Variants in ZDHHC20 observed in about 807,000 individuals in gnomAD.
ZDHHC20 encodes zDHHC palmitoyltransferase 20.
In ZDHHC20, 43 loss-of-function variants were observed where a neutral mutation model predicts 57.8. The observed-to-expected ratio is 0.74, with a 90% CI of 0.58 to 0.96. ZDHHC20 has a LOEUF of 0.96. ZDHHC20 is among the 40% of genes least tolerant of loss of function. ZDHHC20 has a pLI of 0.00. For synonymous variants in ZDHHC20, 157 were observed against 153.0 expected (o/e 1.03, Z -0.19); for missense variants, 391 against 441.1 (o/e 0.89, Z 1.02).
At chr13:21,451,781 G>A (rs917011306) in intron 1 of ZDHHC20, among the ~76,000 whole-genome samples, 2 of 152,060 alleles carry the variant, frequency 1.3e-5, no homozygotes, top group African/African-American at 4.8e-5. Flanking sequence ...CCTGAGGTCA[G>A]GAGTTCAAGA....
In ZDHHC20 at chr13:21,391,718, T is replaced by A. The variant is rs754750454; in HGVS notation, c.727+4A>T. 67 of 1,600,038 alleles carry A rather than the reference T, an allele frequency of 4.2e-5. No homozygotes were observed. The highest frequency in any genetic ancestry group is 5.5e-5 in the Non-Finnish European group (65 of 1,176,898). ...GTAATTATAATTTATTTTAACCTAC[T>A]TACCTATTGTTGTTCTATTTTTTCC... On this transcript the variant is annotated splice_donor_region_variant and intron_variant, in intron 8 of 12. Transcript: ENST00000400590.
chr13:21,439,428 A>G (rs1882894396), intron 1 of ZDHHC20, among the ~76,000 whole-genome samples: 1 of 152,074 alleles, frequency 6.6e-6, no homozygotes, highest in African/African-American at 2.4e-5. Flanking sequence ...TGAGCCCAGG[A>G]GGTCTAGGCT....
chr13:21,421,018 T>A, intron 3 of ZDHHC20, 43 bp downstream of exon 3: 1 of 1,515,852 alleles, frequency 6.6e-7, no homozygotes, highest in Non-Finnish European at 9.1e-7. Context: ...AAAAATTCCA[T>A]AATCAGTTAA....
intron 1 of ZDHHC20, among the ~76,000 whole-genome samples, chr13:21,432,658 AG>A (rs1882108623): frequency 6.6e-6 from 1 of 152,056 alleles, no homozygotes. Context: ...TAATAAAGAT[AG>A]GGTTTCACCA....
chr13:21,453,174 T>C (rs991424273), intron 1 of ZDHHC20, among the ~76,000 whole-genome samples: 2 of 152,212 alleles, frequency 1.3e-5, no homozygotes, highest in Non-Finnish European at 2.9e-5. Flanking sequence ...CCCATGTTAA[T>C]ATCTGCCAAA....
chr13:21,378,787 A>T (rs781642110), intron 11 of ZDHHC20, 49 bp from the exon 12 acceptor site: 4 of 1,071,448 alleles, frequency 3.7e-6, no homozygotes, highest in Non-Finnish European at 5.1e-6. Context: ...AAAAAAAAAG[A>T]AGTATTAAGT....
At chr13:21,390,418 A>G (rs948462639) in intron 8 of ZDHHC20, among the ~76,000 whole-genome samples, 6 of 152,196 alleles carry the variant, frequency 3.9e-5, no homozygotes, top group East Asian at 1.9e-4. Flanking sequence ...TTCCCCCTAT[A>G]TTTTCATTTT....
chr13:21,425,682 G>C lies in ZDHHC20; in HGVS notation c.119-4C>G. The C allele has an allele frequency of 8.6e-7, 1 of 1,161,370 alleles. No individual in the cohort carries two copies. Among genetic ancestry groups the C allele is most frequent in the Non-Finnish European group, 1.2e-6 (1 of 863,638 alleles). 71.9% of individuals were successfully genotyped at this position (1,161,370 alleles called of 1,614,324 possible). A position where few individuals can be genotyped will look rare whatever the true frequency, so the allele number is the denominator to read the frequency against. ...TCTTCATTTCCAAAAATAGTAACTA[G>C]AATAGAAGAAAAAATAGTGAATAAA... On this transcript the variant is annotated splice_polypyrimidine_tract_variant and splice_region_variant and intron_variant, in intron 1 of 12. Coordinates refer to ENST00000400590, the MANE Select transcript of ZDHHC20 (RefSeq NM_001330059.2).
At chr13:21,404,646 C>T (rs9550733) in intron 4 of ZDHHC20, among the ~76,000 whole-genome samples, 36,790 of 151,262 alleles carry the variant, frequency 0.24, 5,467 homozygotes, top group East Asian at 0.74. Context: ...CCCAGCTACT[C>T]GGGAGGCTGA....
chr13:21,431,768 AT>A (rs1881982916), intron 1 of ZDHHC20, among the ~76,000 whole-genome samples: 1 of 152,142 alleles, frequency 6.6e-6, no homozygotes. Flanking sequence ...ACTATCCCTT[AT>A]TTGTGAAGTT....
intron 1 of ZDHHC20, among the ~76,000 whole-genome samples, chr13:21,442,340 T>TG (rs1340076189): frequency 2.0e-5 from 3 of 152,226 alleles, no homozygotes; most frequent in Non-Finnish European, 4.4e-5. Flanking sequence ...TGTTCACCTT[T>TG]GGGCATCTTG....
In ZDHHC20 at chr13:21,459,110, A is replaced by G. The variant is rs537018498; in HGVS notation, c.62T>C (p.Phe21Ser). ...QRVVGWVPVLFITFVVVWSYY... is the reference protein window; with the variant it reads ...QRVVGWVPVLSITFVVVWSYY... ...GGACCAGACGACCACGAAGGTGATG[A>G]AGAGCACCGGCACCCAGCCCACGAC... The change falls in exon 1 of 13, where the codon TTC (phenylalanine) becomes TCC (serine). Residue 21 changes from phenylalanine (F) to serine (S), a missense_variant. Coordinates refer to ENST00000400590, the MANE Select transcript of ZDHHC20 (RefSeq NM_001330059.2). 22 of 1,607,932 alleles carry G rather than the reference A, an allele frequency of 1.4e-5. No individual in the cohort carries two copies. The South Asian group carries it at 2.4e-4, about 18-fold the overall frequency.
chr13:21,384,494 G>C (rs1258825902), intron 9 of ZDHHC20, among the ~76,000 whole-genome samples: 4 of 150,936 alleles, frequency 2.7e-5, no homozygotes, highest in Admixed American at 2.6e-4. Flanking sequence ...GGGCTGAGGT[G>C]ACTTAAATCT....
chr13:21,395,842 G>C (rs763170943), intron 7 of ZDHHC20, among the ~76,000 whole-genome samples: 1 of 152,112 alleles, frequency 6.6e-6, no homozygotes, highest in Non-Finnish European at 1.5e-5. Context: ...CTGGCATCTG[G>C]GGCCTCACTA....
In ZDHHC20 at chr13:21,391,848, G is replaced by A; in HGVS notation, c.601C>T (p.Leu201=). Residue 201 remains leucine, a synonymous_variant, in exon 8 of 13, where the codon CTG becomes TTG. Coordinates refer to ENST00000400590, the MANE Select transcript of ZDHHC20 (RefSeq NM_001330059.2). ...TGGAATTTTGCACGTGTATCTGTCA[G>A]TTCATTCTGAGGAAAAAAAGAAGTT... The part of the protein sequence containing the change: ...EYFIKFWTNE[L]TDTRAKFHVL... The A allele has an allele frequency of 6.2e-7, 1 of 1,609,168 alleles. No homozygotes were observed. The highest frequency in any genetic ancestry group is 1.1e-5 in the South Asian group (1 of 89,448).
At chr13:21,427,120 C>T (rs1199983702) in intron 1 of ZDHHC20, among the ~76,000 whole-genome samples, 2 of 152,162 alleles carry the variant, frequency 1.3e-5, no homozygotes, top group Admixed American at 6.6e-5. Flanking sequence ...GATCACTCTT[C>T]CATCTTTACC....
At chr13:21,396,609 G>A (rs924377818) in intron 7 of ZDHHC20, among the ~76,000 whole-genome samples, 2 of 152,180 alleles carry the variant, frequency 1.3e-5, no homozygotes, top group Non-Finnish European at 2.9e-5. Context: ...GAGGTGGGTG[G>A]ATCACCTAAG....
At chr13:21,450,553 G>A (rs183638615) in intron 1 of ZDHHC20, among the ~76,000 whole-genome samples, 19 of 152,008 alleles carry the variant, frequency 1.2e-4, no homozygotes, top group East Asian at 1.9e-4. Flanking sequence ...ATAATACCAG[G>A]ACAGATTAAC....
In ZDHHC20 at chr13:21,413,676, T is replaced by C. The variant is rs772010895; in HGVS notation, c.346A>G (p.Ile116Val). The change falls in exon 4 of 13, where the codon ATC (isoleucine) becomes GTC (valine). Residue 116 changes from isoleucine (I) to valine (V), a missense_variant. Physicochemically the swap from Ile to Val is conservative, Grantham distance 29. Transcript: ENST00000400590. The stretch of plus-strand genomic sequence containing the variant: ...CTTTTTGAAGCTGATGTGGTATAGA[T>C]AGGTAAAGCTCTTGCTGCTCTTCTC... The part of the protein sequence containing the change: ...ILRRAARALP[I>V]YTTSASKTIR... The C allele has an allele frequency of 4.9e-5, 79 of 1,609,020 alleles. No homozygotes were observed. The highest frequency in any genetic ancestry group is 6.4e-5 in the Non-Finnish European group (75 of 1,179,018).
Sources: allele counts gnomAD v4.1 joint callset (sites outside exome capture counted in the v4.1 genomes callset), GRCh38; gene constraint gnomAD v4.1.1; transcripts MANE v1.5; gene names NCBI Gene and HGNC (gene_info 2026-07-23, HGNC 2026-07-21).